CHODL: variants seen among roughly 807,000 people sequenced by gnomAD.
CHODL encodes chondrolectin.
A neutral mutation model predicts 34.5 loss-of-function variants in CHODL; 29 were observed. The ratio of observed to expected loss-of-function variants is 0.84; its 90% CI spans 0.63 to 1.15. CHODL has a LOEUF of 1.15. CHODL is among the 50% of genes most tolerant of loss of function. CHODL has a pLI of 0.00. For missense variants in CHODL, 332 were observed against 332.5 expected, an observed-to-expected ratio of 1.00 and a Z score of 0.01; for synonymous variants, 125 against 116.1, an observed-to-expected ratio of 1.08 and a Z score of -0.49.
chr21:18,041,954 G>A (rs1306580608), intron 2 of CHODL, among the ~76,000 whole-genome samples: 1 of 151,804 alleles, frequency 6.6e-6, no homozygotes, highest in African/African-American at 2.4e-5. Context: ...GATATGGGAA[G>A]CTGAATATAT....
intron 2 of CHODL, among the ~76,000 whole-genome samples, chr21:18,129,890 CTCTGTGTGTGTGTGTGTGTGTG>C (rs1179718048): frequency 1.8e-5 from 2 of 113,360 alleles, no homozygotes; most frequent in African/African-American, 8.2e-5. Context: ...CTCTGTCTTT[CTCTGTGTGTGTGTGTGTGTGTG>C]TGTGTGTGTG....
intron 2 of CHODL, among the ~76,000 whole-genome samples, chr21:18,204,851 C>G (rs145980252): frequency 2.4e-4 from 37 of 152,254 alleles, no homozygotes; most frequent in African/African-American, 8.4e-4. Context: ...TTTTCTTCTT[C>G]ATTCATTTAT....
chr21:18,265,621 A>G (rs2074449584), intron 5 of CHODL, among the ~76,000 whole-genome samples: 1 of 152,152 alleles, frequency 6.6e-6, no homozygotes, highest in African/African-American at 2.4e-5. Context: ...AATCACCACT[A>G]AAGAACTTAC....
chr21:18,008,444 T>A (rs114756760), intron 1 of CHODL, among the ~76,000 whole-genome samples: 433 of 152,228 alleles, frequency 2.8e-3, no homozygotes, highest in African/African-American at 9.7e-3. Flanking sequence ...TCATTTTGCA[T>A]AAAGAAATTC....
chr21:18,153,296 C>T (rs1010298357), intron 2 of CHODL, among the ~76,000 whole-genome samples: 2 of 152,230 alleles, frequency 1.3e-5, no homozygotes, highest in African/African-American at 2.4e-5. Context: ...GGCAGGATTC[C>T]GTTCCATGTG....
intron 4 of CHODL, 139 bp downstream of exon 4, chr21:18,260,425 A>G: frequency 1.9e-6 from 1 of 533,008 alleles, no homozygotes; most frequent in Non-Finnish European, 3.3e-6. Flanking sequence ...TTACTTTTGA[A>G]CTAGGTTAGA....
intron 1 of CHODL, among the ~76,000 whole-genome samples, chr21:17,932,306 C>T (rs1292396918): frequency 6.6e-6 from 1 of 152,088 alleles, no homozygotes; most frequent in Non-Finnish European, 1.5e-5. Context: ...TGAAAAACAG[C>T]AGATGTTTGT....
At chr21:18,061,625 T>G (rs2064666956) in intron 2 of CHODL, among the ~76,000 whole-genome samples, 1 of 152,184 alleles carries the variant, frequency 6.6e-6, no homozygotes, top group Admixed American at 6.5e-5. Context: ...AATGATATCT[T>G]TAGCCCAAAC....
chr21:18,248,976 AATAT>A (rs1335088069), intron 1 of CHODL, among the ~76,000 whole-genome samples: 1 of 108,340 alleles, frequency 9.2e-6, no homozygotes, highest in African/African-American at 4.8e-5. Flanking sequence ...CATATATGTA[AATAT>A]ATATTATACA....
chr21:17,973,490 C>T (rs1399710701), intron 1 of CHODL, among the ~76,000 whole-genome samples: 1 of 148,158 alleles, frequency 6.7e-6, no homozygotes. Flanking sequence ...AATCTCGGCT[C>T]ACTGCGAGCT....
Position 18,161,602 on chromosome 21 carries a change from T to C in CHODL, c.-44-94907T>C, listed in dbSNP as rs374640548. Among the ~76,000 whole-genome samples the C allele has an allele frequency of 3.3e-4, 50 of 152,322 alleles. 1 individual carries two copies. In the East Asian group the frequency reaches 6.2e-3, roughly 19 times the overall value. On this transcript the variant is annotated intron_variant, in intron 2 of 6. Coordinates refer to the CHODL transcript ENST00000400127. ...TTTCTCTTACTTTTTACTTTTTATT[T>C]TTTTCCTTAGTCTTGTGCATGCTGT...
At chr21:17,952,482 GA>G (rs1001453582) in intron 1 of CHODL, among the ~76,000 whole-genome samples, 45 of 151,340 alleles carry the variant, frequency 3.0e-4, no homozygotes, top group Non-Finnish European at 4.4e-4. Flanking sequence ...GTTAACCAAA[GA>G]AAAAAAATCC....
chr21:18,171,198 G>GTTCTTTTTTTTTTTTTTTTTTTTTTT lies in CHODL; in HGVS notation c.-44-85309_-44-85308insCTTTTTTTTTTTTTTTTTTTTTTTTT, dbSNP rs1333481522. Among the ~76,000 whole-genome samples the GTTCTTTTTTTTTTTTTTTTTTTTTTT allele has an allele frequency of 7.0e-4, 26 of 37,066 alleles. 12 individuals are homozygous for GTTCTTTTTTTTTTTTTTTTTTTTTTT. Among genetic ancestry groups the GTTCTTTTTTTTTTTTTTTTTTTTTTT allele is most frequent in the East Asian group, 3.9e-3 (2 of 510 alleles). The allele number at this position is 37,066 out of a possible 152,430, so 24.3% of individuals were successfully genotyped here. ...TGTTCTTCAGACATGGTTTTCTTTA[G>GTTCTTTTTTTTTTTTTTTTTTTTTTT]TTTTTTTTTTTTTTTTTTTGAGACG... On this transcript the variant is annotated intron_variant, in intron 2 of 6. Transcript: ENST00000400127.
intron 2 of CHODL, among the ~76,000 whole-genome samples, chr21:18,137,216 TCTC>T (rs1005808139): frequency 6.6e-6 from 1 of 152,170 alleles, no homozygotes; most frequent in Non-Finnish European, 1.5e-5. Flanking sequence ...CTGCATTCCT[TCTC>T]CTCCTGATTT....
chr21:18,217,490 GC>G (rs59405917), intron 2 of CHODL, among the ~76,000 whole-genome samples: 1 of 151,844 alleles, frequency 6.6e-6, no homozygotes. Context: ...GAGGGTAACT[GC>G]CCCCCCGACT....
chr21:18,027,738 C>T (rs1380619166), intron 1 of CHODL: 1 of 152,210 alleles, frequency 6.6e-6, no homozygotes, highest in Admixed American at 6.6e-5. Context: ...TAACGCATAA[C>T]GTGGTGGTAC....
chr21:18,171,365 C>T (rs1394304844), intron 2 of CHODL, among the ~76,000 whole-genome samples: 2 of 149,052 alleles, frequency 1.3e-5, no homozygotes, highest in Admixed American at 6.7e-5. Context: ...CGCCACCGCG[C>T]CCGGCTAATT....
At chr21:17,934,771 C>T (rs780698336) in intron 1 of CHODL, among the ~76,000 whole-genome samples, 1 of 152,016 alleles carries the variant, frequency 6.6e-6, no homozygotes, top group Non-Finnish European at 1.5e-5. Context: ...TATAAATAGA[C>T]AAATTTATGT....
intron 2 of CHODL, among the ~76,000 whole-genome samples, chr21:18,211,729 G>T (rs2073776849): frequency 6.6e-6 from 1 of 152,172 alleles, no homozygotes; most frequent in Admixed American, 6.5e-5. Flanking sequence ...CATATATCAA[G>T]TGTGCAATAG....
Sources: gnomAD v4.1 joint callset for allele counts (sites outside exome capture counted in the v4.1 genomes callset) on GRCh38, gnomAD v4.1.1 for gene constraint, MANE v1.5 for transcripts, NCBI Gene and HGNC (gene_info 2026-07-23, HGNC 2026-07-21) for gene names.